RSRP1: variants seen among roughly 807,000 people sequenced by gnomAD.
RSRP1 encodes arginine/serine-rich protein 1.
A neutral mutation model predicts 33.0 loss-of-function variants in RSRP1; 37 were observed. The observed-to-expected ratio is 1.12, with a 90% CI of 0.86 to 1.48. RSRP1 has a LOEUF of 1.48. Ranked by LOEUF, RSRP1 falls within the 40% of genes most tolerant of loss-of-function variation. The pLI is 0.00. For synonymous variants in RSRP1, 167 were observed against 158.7 expected (o/e 1.05, Z -0.40); for missense variants, 402 against 385.3 (o/e 1.04, Z -0.36).
At position 25,318,699 on chromosome 1, in the gene RSRP1, A is replaced by T. The variant is rs1239612070; in HGVS notation, c.-67+19279T>A. Among the ~76,000 whole-genome samples, 4 of 133,052 alleles carry T rather than the reference A, an allele frequency of 3.0e-5. 1 individual carries two copies. In the East Asian group the frequency reaches 7.8e-4, roughly 26 times the overall value. The allele number at this position is 133,052 out of a possible 152,430, so 87.3% of individuals were successfully genotyped here. On this transcript the variant is annotated intron_variant, in intron 1 of 1. Coordinates refer to the RSRP1 transcript ENST00000561867. ...ATATGTGTCCCTAAGCAGGAGGTGA[A>T]TGCCAAATAAGAGACAAATGGCGTA...
rs1394153489 is a variant in RSRP1, at chr1:25,300,912, C to T, written c.-67+37066G>A. 5.1e-6 allele frequency: 7 copies of T among 1,370,058 alleles called. 1 individual carries two copies. Among genetic ancestry groups the T allele is most frequent in the East Asian group, 2.2e-5 (1 of 44,556 alleles). The allele number at this position is 1,370,058 out of a possible 1,614,324, so 84.9% of individuals were successfully genotyped here. A position where few individuals can be genotyped will look rare whatever the true frequency, so the allele number is the denominator to read the frequency against. On this transcript the variant is annotated intron_variant, in intron 1 of 1. Transcript: ENST00000561867. The stretch of plus-strand genomic sequence containing the variant: ...AGGGCTTGCCCCGGGCAGAGGATGC[C>T]GACACTCACTGCTCTTACTGGGTTT...
Position 25,290,585 on chromosome 1 carries a change from ATGAG to A in RSRP1, c.-66-43560_-66-43557del, listed in dbSNP as rs1557528249. 15 of 1,172,852 alleles carry A rather than the reference ATGAG, an allele frequency of 1.3e-5. 1 individual carries two copies. Among genetic ancestry groups the A allele is most frequent in the South Asian group, 6.2e-5 (5 of 81,118 alleles). The allele number at this position is 1,172,852 out of a possible 1,614,324, so 72.7% of individuals were successfully genotyped here. A position where few individuals can be genotyped will look rare whatever the true frequency, so the allele number is the denominator to read the frequency against. ...AATGAATGAATGAATGAATGAATGAATGAGTGAGAGGCATCCTTCCTTCTCAGTC... is the reference window on the plus strand; with the variant it reads ...AATGAATGAATGAATGAATGAATGAATGAGAGGCATCCTTCCTTCTCAGTC... On this transcript the variant is annotated intron_variant, in intron 1 of 1. Coordinates refer to the RSRP1 transcript ENST00000561867.
chr1:25,260,208 C>T (rs1430338822), intron 1 of RSRP1, among the ~76,000 whole-genome samples: 1 of 152,144 alleles, frequency 6.6e-6, no homozygotes, highest in African/African-American at 2.4e-5. Flanking sequence ...TCTTGTTTTG[C>T]CAATTTTCTT....
At chr1:25,256,295 C>T (rs550315923) in intron 1 of RSRP1, among the ~76,000 whole-genome samples, 26 of 152,106 alleles carry the variant, frequency 1.7e-4, no homozygotes, top group African/African-American at 6.3e-4. Flanking sequence ...GCTAGGACTA[C>T]AGGCATGCGC....
At position 25,276,532 on chromosome 1, in the gene RSRP1, TAAAAAA is replaced by T. The variant is rs557746335; in HGVS notation, c.-66-29509_-66-29504del. The stretch of plus-strand genomic sequence containing the variant: ...ACATAGGGAGACCCCCCCCCATCTC[TAAAAAA>T]AAAAAAAAAAAAAAAAACTTTAAAA... On this transcript the variant is annotated intron_variant, in intron 1 of 1. Coordinates refer to the RSRP1 transcript ENST00000561867. 2.3e-4 allele frequency among the ~76,000 whole-genome samples: 15 copies of T among 64,780 alleles called. 3 individuals are homozygous for T. Among genetic ancestry groups the T allele is most frequent in the African/African-American group, 1.1e-3 (15 of 13,854 alleles). The allele number at this position is 64,780 out of a possible 152,430, so 42.5% of individuals were successfully genotyped here.
At chr1:25,319,052 A>C (rs1644561428) in intron 1 of RSRP1, among the ~76,000 whole-genome samples, 1 of 132,456 alleles carries the variant, frequency 7.5e-6, no homozygotes, top group African/African-American at 2.6e-5. Flanking sequence ...TTTAGCAAAA[A>C]TGCAAGGTGT....
Position 25,279,037 on chromosome 1 carries a change from G to T in RSRP1, c.-66-32008C>A, listed in dbSNP as rs1194455666. ...GAAGTTTCTGCAGGCCAGAAGGAGG[G>T]GCAAGAGTGGGAGGGGGCGCAGATC... On this transcript the variant is annotated intron_variant, in intron 1 of 1. Coordinates refer to the RSRP1 transcript ENST00000561867. 2.3e-5 allele frequency among the ~76,000 whole-genome samples: 3 copies of T among 129,902 alleles called. 1 individual carries two copies. Among genetic ancestry groups the T allele is most frequent in the Non-Finnish European group, 3.6e-5 (2 of 55,188 alleles). 85.2% of individuals were successfully genotyped at this position (129,902 alleles called of 152,430 possible). A position where few individuals can be genotyped will look rare whatever the true frequency, so the allele number is the denominator to read the frequency against.
chr1:25,276,532 TAAAAA>T (rs557746335), intron 1 of RSRP1, among the ~76,000 whole-genome samples: 13 of 64,778 alleles, frequency 2.0e-4, no homozygotes, highest in South Asian at 1.3e-3. Flanking sequence ...CCCCCATCTC[TAAAAA>T]AAAAAAAAAA....
chr1:25,255,135 T>TG (rs1639907371), intron 1 of RSRP1, among the ~76,000 whole-genome samples: 1 of 152,152 alleles, frequency 6.6e-6, no homozygotes, highest in African/African-American at 2.4e-5. Flanking sequence ...TTAACTTCGG[T>TG]GATGGCACAG....
At chr1:25,330,149 A>G (rs924074966) in intron 1 of RSRP1, 1 of 132,554 alleles carries the variant, frequency 7.5e-6, no homozygotes, top group African/African-American at 2.6e-5. Context: ...CACTGATTGC[A>G]TATGCATCCC....
rs1020732493 is a variant in RSRP1, at chr1:25,246,701, G to A, written c.263C>T (p.Ser88Phe). The change falls in exon 2 of 5, where the codon TCC becomes TTC. Residue 88 changes from serine to phenylalanine, a missense_variant. Ser to Phe is a radical substitution (Grantham distance 155). Coordinates refer to ENST00000243189, the MANE Select transcript of RSRP1 (RefSeq NM_020317.5). ...SRSYSRSRSRSRSRRYRERRY... is the reference protein window; with the variant it reads ...SRSYSRSRSRFRSRRYRERRY... ...CCTCTCTCGGTAACGGCGGCTGCGG[G>A]ATCGCGACCGGCTCCGCGAGTATGA... is the stretch of plus-strand genomic sequence containing the variant. The A allele has an allele frequency of 8.7e-6, 14 of 1,607,732 alleles. No individual in the cohort carries two copies. The highest frequency in any genetic ancestry group is 1.1e-5 in the Non-Finnish European group (13 of 1,175,514).
chr1:25,277,999 TAAATA>T (rs1357290473), intron 1 of RSRP1, among the ~76,000 whole-genome samples: 1 of 131,538 alleles, frequency 7.6e-6, no homozygotes, highest in African/African-American at 2.6e-5. Flanking sequence ...CTTAATTTTT[TAAATA>T]AAATAAATAA....
chr1:25,301,592 A>G (rs1235576736), intron 1 of RSRP1: 1 of 1,380,110 alleles, frequency 7.2e-7, no homozygotes, highest in South Asian at 1.2e-5. Context: ...GAAAGGAAGA[A>G]TGCCGTGTTC....
chr1:25,328,853 T>C (rs1363589836), intron 1 of RSRP1: 1 of 949,468 alleles, frequency 1.1e-6, no homozygotes, highest in African/African-American at 1.9e-5. Context: ...CCAAAATCAG[T>C]ATGTGGGTTC....
chr1:25,299,512 T>C (rs149193309), intron 1 of RSRP1, among the ~76,000 whole-genome samples: 1,503 of 131,890 alleles, frequency 0.011, 137 homozygotes, highest in African/African-American at 0.037. Context: ...CCCTCCACCC[T>C]GCCCTTGTTA....
At chr1:25,314,971 G>C (rs547485766) in intron 1 of RSRP1, among the ~76,000 whole-genome samples, 1 of 130,438 alleles carries the variant, frequency 7.7e-6, no homozygotes, top group South Asian at 2.4e-4. Flanking sequence ...TTGGGAGGCT[G>C]AGGCTGGCGG....
At position 25,314,102 on chromosome 1, in the gene RSRP1, T is replaced by A; in HGVS notation, c.-67+23876A>T. Reference sequence around the variant, plus strand: ...AATGCACTTCTGTTGATTATATGCCTAGAAGTGAAATTGTTGAATTATACA... The same window carrying A: ...AATGCACTTCTGTTGATTATATGCCAAGAAGTGAAATTGTTGAATTATACA... On this transcript the variant is annotated intron_variant, in intron 1 of 1. Transcript: ENST00000561867. 1.5e-5 allele frequency among the ~76,000 whole-genome samples: 2 copies of A among 132,998 alleles called. 1 individual carries two copies. Among genetic ancestry groups the A allele is most frequent in the African/African-American group, 5.1e-5 (2 of 39,006 alleles). 87.3% of individuals were successfully genotyped at this position (132,998 alleles called of 152,430 possible). A position where few individuals can be genotyped will look rare whatever the true frequency, so the allele number is the denominator to read the frequency against.
At chr1:25,300,665 C>G (rs982231975) in intron 1 of RSRP1, among the ~76,000 whole-genome samples, 1 of 131,318 alleles carries the variant, frequency 7.6e-6, no homozygotes, top group African/African-American at 2.6e-5. Context: ...CAAAATTAGC[C>G]CAGCGTAGTG....
intron 1 of RSRP1, among the ~76,000 whole-genome samples, chr1:25,310,370 C>T (rs2124703667): frequency 7.5e-6 from 1 of 133,162 alleles, no homozygotes; most frequent in South Asian, 2.3e-4. Context: ...TGCTCTTGCC[C>T]TCTCACTGTG....
Sources: gnomAD v4.1 joint callset for allele counts (sites outside exome capture counted in the v4.1 genomes callset) on GRCh38, gnomAD v4.1.1 for gene constraint, MANE v1.5 for transcripts, NCBI Gene and HGNC (gene_info 2026-07-23, HGNC 2026-07-21) for gene names.